The following CTIF variants were observed in gnomAD, a reference collection of about 807,000 sequenced individuals.
CTIF encodes the protein CBP80/20-dependent translation initiation factor.
In CTIF, 21 loss-of-function variants were observed where a neutral mutation model predicts 66.0. The observed-to-expected ratio is 0.32, with a 90% confidence interval of 0.23 to 0.46. CTIF has a LOEUF of 0.46. Among genes scored for constraint, CTIF ranks in the 20% least tolerant of loss-of-function variants. The pLI, the probability that CTIF is intolerant of heterozygous loss-of-function variation, is 1.00. For synonymous variants in CTIF, 345 were observed against 326.4 expected (o/e 1.06, Z -0.62); for missense variants, 739 against 812.7 (o/e 0.91, Z 1.10).
intron 9 of CTIF, among the ~76,000 whole-genome samples, chr18:48,791,538 G>T (rs2067793128): frequency 7.0e-6 from 1 of 142,842 alleles, no homozygotes; most frequent in African/African-American, 2.5e-5. Context: ...CCCAGCCTCA[G>T]CCTGGCCCTG....
At chr18:48,730,747 CCGCAGCT>C (rs1480452409) in intron 7 of CTIF, among the ~76,000 whole-genome samples, 138 of 145,654 alleles carry the variant, frequency 9.5e-4, no homozygotes, top group South Asian at 2.2e-3. Flanking sequence ...TGAGGAGCCC[CCGCAGCT>C]TGAGGGGCCC....
chr18:48,709,349 G>A (rs1040674262), intron 6 of CTIF, among the ~76,000 whole-genome samples: 2 of 152,236 alleles, frequency 1.3e-5, no homozygotes, highest in African/African-American at 2.4e-5. Flanking sequence ...GAGAAGCCCC[G>A]AGTGGCCCGG....
chr18:48,738,789 C>T (rs772681769), intron 7 of CTIF, among the ~76,000 whole-genome samples: 9 of 152,230 alleles, frequency 5.9e-5, no homozygotes, highest in East Asian at 1.9e-4. Flanking sequence ...TGCATCTCCC[C>T]GCTGGGTGAT....
chr18:48,732,194 C>T lies in CTIF; in HGVS notation c.584+20499C>T, dbSNP rs965681083. 3.3e-5 allele frequency among the ~76,000 whole-genome samples: 5 copies of T among 152,204 alleles called. 1 individual carries two copies. Among genetic ancestry groups the T allele is most frequent in the South Asian group, 4.1e-4 (2 of 4,824 alleles). On this transcript the variant is annotated intron_variant, in intron 7 of 11. Transcript: ENST00000256413. Reference sequence around the variant, plus strand: ...GCCTATCCAAGCAGGACTCCCATTCCCTGGGGTACGTTTTGATGTGGAACT... The same window carrying T: ...GCCTATCCAAGCAGGACTCCCATTCTCTGGGGTACGTTTTGATGTGGAACT...
In CTIF at chr18:48,634,771, C is replaced by A. The variant is rs75247522; in HGVS notation, c.181-1843C>A. Among the ~76,000 whole-genome samples, 777 of 152,298 alleles carry A rather than the reference C, an allele frequency of 5.1e-3. 5 individuals carry two copies. Among genetic ancestry groups the A allele is most frequent in the Middle Eastern group, 0.034 (10 of 294 alleles). On this transcript the variant is annotated intron_variant, in intron 2 of 11. Transcript: ENST00000256413. ...GATGGGCAAGGAGTGCCTCTGACAC[C>A]GTTGCCACTTCTCTAGGGCTCCACT...
At chr18:48,595,184 G>A (rs538756414) in intron 1 of CTIF, among the ~76,000 whole-genome samples, 1 of 152,268 alleles carries the variant, frequency 6.6e-6, no homozygotes, top group Admixed American at 6.5e-5. Flanking sequence ...GGCTTCTTGT[G>A]GCCTATCCTT....
At chr18:48,606,146 C>T (rs1194960373) in intron 1 of CTIF, among the ~76,000 whole-genome samples, 2 of 152,132 alleles carry the variant, frequency 1.3e-5, no homozygotes, top group Non-Finnish European at 2.9e-5. Flanking sequence ...TTTCTCATAC[C>T]CTCTAACCAG....
chr18:48,779,555 C>T (rs1188215905), intron 9 of CTIF, among the ~76,000 whole-genome samples: 1 of 152,218 alleles, frequency 6.6e-6, no homozygotes, highest in East Asian at 1.9e-4. Flanking sequence ...ATTTAGGTGG[C>T]CATGCTTTCA....
chr18:48,848,169 G>A (rs997630916), intron 10 of CTIF, among the ~76,000 whole-genome samples: 1 of 152,096 alleles, frequency 6.6e-6, no homozygotes, highest in Non-Finnish European at 1.5e-5. Context: ...GGCTTCCTCC[G>A]CCACCACGGC....
intron 9 of CTIF, among the ~76,000 whole-genome samples, chr18:48,809,499 C>G (rs981490005): frequency 1.3e-5 from 2 of 152,068 alleles, no homozygotes; most frequent in Admixed American, 6.5e-5. Context: ...TATATCTATT[C>G]ACATTAGCAA....
chr18:48,779,787 C>T (rs1020897574), intron 9 of CTIF, among the ~76,000 whole-genome samples: 3 of 152,230 alleles, frequency 2.0e-5, no homozygotes, highest in Non-Finnish European at 4.4e-5. Context: ...CCATGTCCTT[C>T]CTTCCCACTG....
Position 48,671,534 on chromosome 18 carries a change from G to T in CTIF, c.507+790G>T, listed in dbSNP as rs750879115. On this transcript the variant is annotated intron_variant, in intron 6 of 11. Transcript: ENST00000256413. ...GCCTTTGCCATTTTGTTTCTTCTCT[G>T]TTCATGCCTTGGGCCTATCAATGAG... Among the ~76,000 whole-genome samples the T allele has an allele frequency of 1.6e-4, 25 of 152,080 alleles. 1 individual carries two copies. The highest frequency in any genetic ancestry group is 7.2e-4 in the Admixed American group (11 of 15,270).
At chr18:48,634,756 G>A (rs2090781936) in intron 2 of CTIF, among the ~76,000 whole-genome samples, 1 of 152,228 alleles carries the variant, frequency 6.6e-6, no homozygotes, top group Admixed American at 6.5e-5. Context: ...GATGGGCAAG[G>A]AGTGCCTCTG....
At chr18:48,576,747 G>T (rs1034365474) in intron 1 of CTIF, among the ~76,000 whole-genome samples, 3 of 152,228 alleles carry the variant, frequency 2.0e-5, no homozygotes, top group Admixed American at 1.3e-4. Flanking sequence ...GGAGGATTCG[G>T]TCTGCTCAAA....
intron 1 of CTIF, chr18:48,568,156 A>G (rs1183833996): frequency 6.6e-6 from 1 of 152,176 alleles, no homozygotes; most frequent in Non-Finnish European, 1.5e-5. Context: ...TAAATTCAAG[A>G]AAAATCTCAG....
At chr18:48,581,468 G>A (rs1465685785) in intron 1 of CTIF, among the ~76,000 whole-genome samples, 2 of 152,110 alleles carry the variant, frequency 1.3e-5, no homozygotes, top group East Asian at 1.9e-4. Context: ...TGGGTTGGCA[G>A]GTTCTCCTCT....
Position 48,608,786 on chromosome 18 carries a change from C to T in CTIF, c.-28-10752C>T, listed in dbSNP as rs1177857103. Among the ~76,000 whole-genome samples, 3 of 152,326 alleles carry T rather than the reference C, an allele frequency of 2.0e-5. 1 individual carries two copies. In the Middle Eastern group the frequency reaches 0.01, roughly 518 times the overall value. On this transcript the variant is annotated intron_variant, in intron 1 of 11. Coordinates refer to ENST00000256413, the MANE Select transcript of CTIF (RefSeq NM_014772.3). ...GGCTCTGGAAACAGCTCGGTACTCT[C>T]TCTGCTCCAGCTGGTCTGTAGTTCA...
chr18:48,678,361 G>A (rs1001089542), intron 6 of CTIF, among the ~76,000 whole-genome samples: 7 of 152,136 alleles, frequency 4.6e-5, no homozygotes, highest in Non-Finnish European at 8.8e-5. Context: ...CGCTGTAGCA[G>A]CCATCAAGGA....
chr18:48,560,007 AT>A (rs1053733526), intron 1 of CTIF, among the ~76,000 whole-genome samples: 5 of 152,144 alleles, frequency 3.3e-5, no homozygotes, highest in African/African-American at 1.2e-4. Flanking sequence ...TATCCCAAGA[AT>A]ATGAAAAAAA....
Sources: allele counts gnomAD v4.1 joint callset (sites outside exome capture counted in the v4.1 genomes callset), GRCh38; gene constraint gnomAD v4.1.1; transcripts MANE v1.5; gene names NCBI Gene and HGNC (gene_info 2026-07-23, HGNC 2026-07-21).